The following USP13 variants were observed in gnomAD, a reference collection of about 807,000 sequenced individuals.
The protein encoded by USP13 is ubiquitin specific peptidase 13, also known as ubiquitin carboxyl-terminal hydrolase 13.
Under a neutral mutation model 107.8 loss-of-function variants are expected in USP13, and 68 were observed. The ratio of observed to expected loss-of-function variants is 0.63; its 90% confidence interval spans 0.52 to 0.77. The LOEUF is 0.77. USP13 is among the 30% of genes least tolerant of loss of function. USP13 has a pLI of 0.00. For synonymous variants in USP13, 377 were observed against 389.5 expected (o/e 0.97, Z 0.38); for missense variants, 945 against 1,093.3 (o/e 0.86, Z 1.91).
chr3:179,728,982 AAGAGGGAGAGGGAGAGGG>A (rs111864317), intron 8 of USP13, among the ~76,000 whole-genome samples: 3 of 150,002 alleles, frequency 2.0e-5, no homozygotes, highest in African/African-American at 7.4e-5. Flanking sequence ...GACGGAGAGG[AAGAGGGAGAGGGAGAGGG>A]AGAGCCAATT....
intron 1 of USP13, among the ~76,000 whole-genome samples, chr3:179,655,119 T>G (rs536741391): frequency 1.3e-4 from 20 of 152,118 alleles, no homozygotes; most frequent in African/African-American, 4.8e-4. Context: ...ATTGACAGAT[T>G]GTTACCTCCA....
chr3:179,761,020 T>C, intron 16 of USP13, 92 bp from the exon 17 acceptor site: 2 of 1,486,016 alleles, frequency 1.3e-6, no homozygotes, highest in Non-Finnish European at 1.8e-6. Flanking sequence ...GCACTTTCTT[T>C]GGGTAGCATG....
chr3:179,675,906 T>C (rs1720879974), intron 1 of USP13, among the ~76,000 whole-genome samples: 1 of 152,130 alleles, frequency 6.6e-6, no homozygotes, highest in South Asian at 2.1e-4. Flanking sequence ...AAAAGTTTTA[T>C]TTTGTATCCT....
At chr3:179,665,681 A>G (rs1199482168) in intron 1 of USP13, among the ~76,000 whole-genome samples, 1 of 151,982 alleles carries the variant, frequency 6.6e-6, no homozygotes, top group Non-Finnish European at 1.5e-5. Context: ...CGCCTCCTCG[A>G]TTCCAGTGAT....
rs1715920012 is a variant in USP13, at chr3:179,786,563, A to T, written c.*2422A>T. The T allele has an allele frequency of 6.5e-6, 1 of 153,872 alleles. No homozygotes were observed. The highest frequency in any genetic ancestry group is 1.9e-4 in the East Asian group (1 of 5,272). The allele number at this position is 153,872 out of a possible 1,614,324, so 9.5% of individuals were successfully genotyped here. The stretch of plus-strand genomic sequence containing the variant: ...ATTTCTACAAGGCAAAGTTTTGTAT[A>T]TGTGCTATTCTTTACTTCAGATTGA... On this transcript the variant is annotated 3_prime_UTR_variant, in exon 21 of 21. Coordinates refer to ENST00000263966, the MANE Select transcript of USP13 (RefSeq NM_003940.3).
chr3:179,752,931 T>C (rs1334817517), intron 14 of USP13, among the ~76,000 whole-genome samples: 1 of 152,210 alleles, frequency 6.6e-6, no homozygotes, highest in Non-Finnish European at 1.5e-5. Context: ...CAAAAGGATG[T>C]GATTTTGGCT....
chr3:179,755,876 G>A (rs1371163630), intron 15 of USP13, among the ~76,000 whole-genome samples: 6 of 152,224 alleles, frequency 3.9e-5, no homozygotes, highest in Non-Finnish European at 8.8e-5. Flanking sequence ...GGTAAGATGA[G>A]TCTAGAAGGA....
chr3:179,721,386 G>T lies in USP13; in HGVS notation c.901-16G>T, dbSNP rs375507286. 4 of 1,604,190 alleles carry T rather than the reference G, an allele frequency of 2.5e-6. No individual in the cohort carries two copies. The highest frequency in any genetic ancestry group is 3.4e-6 in the Non-Finnish European group (4 of 1,173,964). ...ATCACATTTAAAGTTGTTTTTCTTC[G>T]ATGACTTTGTCTCAGACAGAGAATG... On this transcript the variant is annotated splice_polypyrimidine_tract_variant and intron_variant, in intron 7 of 20. Coordinates refer to ENST00000263966, the MANE Select transcript of USP13 (RefSeq NM_003940.3). This position sits in a 1 kb window ranked among gnomAD's most constrained non-coding sequence, Gnocchi z 4.3.
chr3:179,745,108 T>G lies in USP13; in HGVS notation c.1600T>G (p.Leu534Val). 6.2e-7 allele frequency: 1 copy of G among 1,614,126 alleles called. No homozygotes were observed. The highest frequency in any genetic ancestry group is 8.5e-7 in the Non-Finnish European group (1 of 1,180,026). The change falls in exon 13 of 21, where the codon TTG (leucine) becomes GTG (valine). Residue 534 changes from leucine (L) to valine (V), a missense_variant. Coordinates refer to ENST00000263966, the MANE Select transcript of USP13 (RefSeq NM_003940.3). ...AEANRRPLPE[L>V]VRAKIPFSAC... is the part of the protein sequence containing the mutation. ...AGCAAACAGAAGACCCCTTCCTGAGTTGGTACGTGCCAAGATACCATTTAG... is the reference window on the plus strand; with the variant it reads ...AGCAAACAGAAGACCCCTTCCTGAGGTGGTACGTGCCAAGATACCATTTAG...
Position 179,765,814 on chromosome 3 carries a change from G to C in USP13, c.2379G>C (p.Lys793Asn). 1 of 1,614,104 alleles carries C rather than the reference G, an allele frequency of 6.2e-7. No individual in the cohort carries two copies. The change falls in exon 19 of 21, where the codon AAG (lysine) becomes AAC (asparagine). Residue 793 changes from lysine (K) to asparagine (N), a missense_variant. Transcript: ENST00000263966. Reference sequence around the variant, plus strand: ...ATGCAAACATTATTTCTGAGGCCAAGCCCGAAGGACCTAGAGTCAAGGATG... The same window carrying C: ...ATGCAAACATTATTTCTGAGGCCAACCCCGAAGGACCTAGAGTCAAGGATG... ...NANANIISEA[K>N]PEGPRVKDGS...
chr3:179,740,819 T>A (rs1043454475), intron 11 of USP13, among the ~76,000 whole-genome samples: 2 of 151,364 alleles, frequency 1.3e-5, no homozygotes, highest in Non-Finnish European at 2.9e-5. Context: ...CAGGCTAGAG[T>A]GCAGTGGCAC....
At chr3:179,691,141 TG>T (rs2108464474) in intron 3 of USP13, among the ~76,000 whole-genome samples, 1 of 149,524 alleles carries the variant, frequency 6.7e-6, no homozygotes, top group East Asian at 2.0e-4. Flanking sequence ...CACTCCAGCC[TG>T]GGTGACAGAG....
chr3:179,676,335 T>A (rs4855104), intron 1 of USP13, among the ~76,000 whole-genome samples: 2 of 152,088 alleles, frequency 1.3e-5, no homozygotes, highest in Non-Finnish European at 2.9e-5. Context: ...CACTGTCATC[T>A]TGAACCTGGC....
chr3:179,729,840 G>A (rs972960141), intron 8 of USP13, among the ~76,000 whole-genome samples: 12 of 152,176 alleles, frequency 7.9e-5, no homozygotes, highest in South Asian at 2.1e-4. Context: ...CTCTGGTTGC[G>A]TGTTAGAATC....
At position 179,730,192 on chromosome 3, in the gene USP13, T is replaced by G. The variant is rs752341422; in HGVS notation, c.1092T>G (p.Tyr364Ter). Residue 364 changes from tyrosine to a stop codon, truncating the protein, a stop_gained, in exon 9 of 21, where the codon TAT becomes TAG. Coordinates refer to ENST00000263966, the MANE Select transcript of USP13 (RefSeq NM_003940.3). LOFTEE classifies it high-confidence loss of function. ...IFSIPEFQRA[Y>*]VGNLPRIFDY... The stretch of plus-strand genomic sequence containing the variant: ...ACTATTGCCTCTCATTTTCTAGGTA[T>G]GTAGGAAACCTTCCCAGAATATTTG... 4.3e-6 allele frequency: 7 copies of G among 1,612,778 alleles called. No homozygotes were observed. The highest frequency in any genetic ancestry group is 5.9e-6 in the Non-Finnish European group (7 of 1,179,538).
Position 179,785,302 on chromosome 3 carries a change from G to A in USP13, c.*1161G>A, listed in dbSNP as rs1319719972. ...TCTGACTTGCCTTCATTGCTTGTCT[G>A]ATGTGACCAACAGTGTGATCTTGGA... On this transcript the variant is annotated 3_prime_UTR_variant, in exon 21 of 21. Coordinates refer to ENST00000263966, the MANE Select transcript of USP13 (RefSeq NM_003940.3). The A allele has an allele frequency of 6.6e-6, 1 of 152,078 alleles. No homozygotes were observed. Among genetic ancestry groups the A allele is most frequent in the South Asian group, 2.1e-4 (1 of 4,830 alleles). The allele number at this position is 152,078 out of a possible 1,614,324, so 9.4% of individuals were successfully genotyped here.
At chr3:179,749,881 A>G (rs1255114361) in intron 13 of USP13, among the ~76,000 whole-genome samples, 3 of 152,196 alleles carry the variant, frequency 2.0e-5, no homozygotes, top group African/African-American at 7.2e-5. Context: ...TGGTTTACCA[A>G]TGTCTTTTGG....
Position 179,742,634 on chromosome 3 carries a change from A to G in USP13, c.1534+284A>G, listed in dbSNP as rs761173200. On this transcript the variant is annotated intron_variant, in intron 12 of 20. Transcript: ENST00000263966. The surrounding 1 kb of genome is among the most constrained non-coding windows in gnomAD (Gnocchi z 5.0). ...ATATGGAGTCAGCATAATTTTGGGG[A>G]AAATTATTGGTAATGATGTATGTAG... is the stretch of plus-strand genomic sequence containing the variant. 6.6e-6 allele frequency among the ~76,000 whole-genome samples: 1 copy of G among 152,204 alleles called. No individual in the cohort carries two copies. Among genetic ancestry groups the G allele is most frequent in the Non-Finnish European group, 1.5e-5 (1 of 68,032 alleles).
Position 179,708,807 on chromosome 3 carries a change from A to G in USP13, c.655A>G (p.Asn219Asp). ...WKCARCDLRE[N>D]LWLNLTDGSV... ...GTGTGCCAGATGCGACCTGCGAGAA[A>G]ACCTCTGGTTGAATCTGACTGACGG... The change falls in exon 6 of 21, where the codon AAC becomes GAC. Residue 219 changes from asparagine (N) to aspartate (D), a missense_variant. Asn to Asp is a conservative substitution (Grantham distance 23, BLOSUM62 1). Transcript: ENST00000263966. 1 of 1,614,040 alleles carries G rather than the reference A, an allele frequency of 6.2e-7. No homozygotes were observed. The highest frequency in any genetic ancestry group is 8.5e-7 in the Non-Finnish European group (1 of 1,179,986).
Sources: gnomAD v4.1 joint callset for allele counts (sites outside exome capture counted in the v4.1 genomes callset) on GRCh38, gnomAD v4.1.1 for gene constraint, Gnocchi (gnomAD v3.1) non-coding constraint, MANE v1.5 for transcripts, NCBI Gene and HGNC (gene_info 2026-07-23, HGNC 2026-07-21) for gene names.